The following EXD2 variants were observed in gnomAD, a reference collection of about 807,000 sequenced individuals.
The protein encoded by EXD2 is exonuclease 3'-5' domain-containing protein 2.
EXD2 carries 40 observed loss-of-function variants against 62.5 expected under a neutral mutation model. The ratio of observed to expected loss-of-function variants is 0.64; its 90% CI spans 0.50 to 0.83. EXD2 has a LOEUF of 0.83. Among genes scored for constraint, EXD2 ranks in the 40% least tolerant of loss-of-function variants. The probability of loss-of-function intolerance (pLI) is 0.00; values close to 1 mark genes in which losing one functional copy is unlikely to be tolerated. For missense variants in EXD2, 671 were observed against 761.8 expected (o/e 0.88, Z 1.40); for synonymous variants, 239 against 291.9 (o/e 0.82, Z 1.85).
intron 3 of EXD2, among the ~76,000 whole-genome samples, chr14:69,225,246 C>T (rs1352799099): frequency 6.6e-6 from 1 of 152,208 alleles, no homozygotes; most frequent in Non-Finnish European, 1.5e-5. Flanking sequence ...AGAAGATGGT[C>T]CCATGTCATT....
chr14:69,205,317 T>C (rs187311140), intron 2 of EXD2, among the ~76,000 whole-genome samples: 1 of 152,174 alleles, frequency 6.6e-6, no homozygotes. Context: ...TCCCAAAGCG[T>C]TGAGATTACA....
At chr14:69,235,179 A>G (rs1267031936) in intron 6 of EXD2, 148 bp downstream of exon 6, 2 of 647,364 alleles carry the variant, frequency 3.1e-6, no homozygotes, top group Non-Finnish European at 5.0e-6. Context: ...TCCATCAGAG[A>G]CATTTGGTCT....
rs72720264 is a variant in EXD2, at chr14:69,215,298, A to G, written c.333+5495A>G. On this transcript the variant is annotated intron_variant, in intron 3 of 9. Transcript: ENST00000685843. ...CAGCGAGACTCCATCTCAAAAATATATGTGTGTGTGTGTGTGTGTGTGTGT... is the reference window on the plus strand; with the variant it reads ...CAGCGAGACTCCATCTCAAAAATATGTGTGTGTGTGTGTGTGTGTGTGTGT... Among the ~76,000 whole-genome samples the G allele has an allele frequency of 8.3e-3, 846 of 102,176 alleles. 7 individuals are homozygous for G. The highest frequency in any genetic ancestry group is 0.021 in the African/African-American group (776 of 37,206). 67.0% of individuals were successfully genotyped at this position (102,176 alleles called of 152,430 possible).
chr14:69,214,650 G>C (rs891624627), intron 3 of EXD2, among the ~76,000 whole-genome samples: 2 of 152,292 alleles, frequency 1.3e-5, no homozygotes, highest in South Asian at 4.1e-4. Context: ...AGGAGCTCCT[G>C]TTGTGTCCAC....
intron 3 of EXD2, among the ~76,000 whole-genome samples, chr14:69,219,705 G>A (rs1468791735): frequency 1.3e-5 from 2 of 152,094 alleles, no homozygotes; most frequent in African/African-American, 4.8e-5. Flanking sequence ...TTGTATTAAG[G>A]AATCTTTCTA....
At chr14:69,213,373 CTT>C (rs150182640) in intron 3 of EXD2, among the ~76,000 whole-genome samples, 54 of 89,992 alleles carry the variant, frequency 6.0e-4, no homozygotes, top group African/African-American at 2.1e-3. Flanking sequence ...ATGCTGGGCC[CTT>C]TTTTTTTTTT....
At position 69,240,902 on chromosome 14, in the gene EXD2, T is replaced by C. The variant is rs1207287226; in HGVS notation, c.1668T>C (p.Tyr556=). The change falls in exon 10 of 10, where the codon TAT becomes TAC. Residue 556 remains tyrosine (Y), a synonymous_variant. Coordinates refer to ENST00000685843, the MANE Select transcript of EXD2 (RefSeq NM_001193360.2). ...SLETRISNEN[Y]VPHGLKVVQC... is the part of the protein sequence containing the mutation. Reference sequence around the variant, plus strand: ...TTGGCAGAATCTCCAATGAAAACTATGTTCCTCACGGGCTGAAGGTGGTGC... The same window carrying C: ...TTGGCAGAATCTCCAATGAAAACTACGTTCCTCACGGGCTGAAGGTGGTGC... 1 of 1,613,346 alleles carries C rather than the reference T, an allele frequency of 6.2e-7. No homozygotes were observed. The highest frequency in any genetic ancestry group is 8.5e-7 in the Non-Finnish European group (1 of 1,179,738).
intron 3 of EXD2, among the ~76,000 whole-genome samples, chr14:69,227,251 CT>C (rs2043395921): frequency 6.6e-6 from 1 of 152,096 alleles, no homozygotes; most frequent in Non-Finnish European, 1.5e-5. Context: ...CCAAATGTCT[CT>C]TGGGGTACAA....
intron 1 of EXD2, among the ~76,000 whole-genome samples, chr14:69,192,885 G>A (rs2042079608): frequency 6.6e-6 from 1 of 151,904 alleles, no homozygotes; most frequent in African/African-American, 2.4e-5. Context: ...GTTTTTCATT[G>A]TTAGACACAG....
chr14:69,232,339 T>C (rs193180082), intron 5 of EXD2, among the ~76,000 whole-genome samples: 18 of 152,308 alleles, frequency 1.2e-4, no homozygotes, highest in Admixed American at 1.2e-3. Flanking sequence ...GTGTCTCCAT[T>C]CCTTATGCTT....
At chr14:69,196,521 A>G (rs1342213683) in intron 1 of EXD2, among the ~76,000 whole-genome samples, 1 of 152,042 alleles carries the variant, frequency 6.6e-6, no homozygotes, top group African/African-American at 2.4e-5. Context: ...TGGCATTGCT[A>G]GGTTATATAA....
Position 69,236,114 on chromosome 14 carries a change from G to T in EXD2, c.1118G>T (p.Arg373Ile). ...PDGQPLCTCD[R>I]RKAQWYLDKG... The stretch of plus-strand genomic sequence containing the variant: ...GGACAGCCCCTCTGCACTTGTGATA[G>T]AAGAAAAGCTCAGTGGTACCTGGAC... The change falls in exon 7 of 10, where the codon AGA becomes ATA. Residue 373 changes from arginine (R) to isoleucine (I), a missense_variant. Coordinates refer to ENST00000685843, the MANE Select transcript of EXD2 (RefSeq NM_001193360.2). 6.2e-7 allele frequency: 1 copy of T among 1,614,184 alleles called. No individual in the cohort carries two copies. Among genetic ancestry groups the T allele is most frequent in the Non-Finnish European group, 8.5e-7 (1 of 1,180,020 alleles).
intron 3 of EXD2, among the ~76,000 whole-genome samples, chr14:69,223,875 T>C (rs2140287943): frequency 6.6e-6 from 1 of 152,274 alleles, no homozygotes; most frequent in African/African-American, 2.4e-5. Context: ...TAGCTGAGAC[T>C]GGGTAATTTA....
intron 1 of EXD2, among the ~76,000 whole-genome samples, chr14:69,197,470 G>A (rs769744574): frequency 2.6e-5 from 4 of 151,550 alleles, no homozygotes; most frequent in Admixed American, 1.3e-4. Flanking sequence ...GGTGGTACAT[G>A]TGCAGGTTTG....
At position 69,206,412 on chromosome 14, in the gene EXD2, C is replaced by T. The variant is rs145218617; in HGVS notation, c.-48+2412C>T. On this transcript the variant is annotated intron_variant, in intron 2 of 9. Coordinates refer to ENST00000685843, the MANE Select transcript of EXD2 (RefSeq NM_001193360.2). ...TGATATACTCCAGCGCTGGGGCTGG[C>T]ATGAGTTCTGGTCTCTGCCCAGCTT... is the stretch of plus-strand genomic sequence containing the variant. Among the ~76,000 whole-genome samples, 428 of 146,510 alleles carry T rather than the reference C, an allele frequency of 2.9e-3. 5 individuals are homozygous for T. Among genetic ancestry groups the T allele is most frequent in the African/African-American group, 0.01 (400 of 38,454 alleles).
At chr14:69,230,435 C>T in intron 4 of EXD2, 37 bp from the exon 5 acceptor site, 1 of 1,489,254 alleles carries the variant, frequency 6.7e-7, no homozygotes, top group Non-Finnish European at 9.2e-7. Flanking sequence ...ATGTCCTTTG[C>T]CCGTTTTTGA....
At chr14:69,200,903 G>A (rs1002618063) in intron 1 of EXD2, among the ~76,000 whole-genome samples, 6 of 151,806 alleles carry the variant, frequency 4.0e-5, no homozygotes, top group South Asian at 2.1e-4. Context: ...GTAAAACCCC[G>A]TGTCTACTAA....
At position 69,209,532 on chromosome 14, in the gene EXD2, G is replaced by T; in HGVS notation, c.62G>T (p.Gly21Val). Residue 21 changes from glycine to valine, a missense_variant, in exon 3 of 10, where the codon GGG becomes GTG. Physicochemically the swap from Gly to Val is moderately radical, Grantham distance 109. Transcript: ENST00000685843. Reference protein sequence around the residue: ...VTTLLGVAVGGFVLWKGIQRR... With the variant: ...VTTLLGVAVGVFVLWKGIQRR... The stretch of plus-strand genomic sequence containing the variant: ...ACCCTTCTGGGTGTGGCTGTAGGGG[G>T]GTTTGTCCTCTGGAAAGGCATCCAG... 1.3e-6 allele frequency: 2 copies of T among 1,550,582 alleles called. No individual in the cohort carries two copies. The highest frequency in any genetic ancestry group is 1.7e-6 in the Non-Finnish European group (2 of 1,146,980).
chr14:69,241,920 C>T lies in EXD2; in HGVS notation c.*820C>T, dbSNP rs1272584708. On this transcript the variant is annotated 3_prime_UTR_variant, in exon 10 of 10. Coordinates refer to ENST00000685843, the MANE Select transcript of EXD2 (RefSeq NM_001193360.2). ...CAGAACTGCAAGATTTTTAGCTTCA[C>T]CCCTTTCTGAGAGTAATGTTATCTT... 1 of 398,830 alleles carries T rather than the reference C, an allele frequency of 2.5e-6. No individual in the cohort carries two copies. Among genetic ancestry groups the T allele is most frequent in the Non-Finnish European group, 4.4e-6 (1 of 226,078 alleles). The allele number at this position is 398,830 out of a possible 1,614,324, so 24.7% of individuals were successfully genotyped here. A position where few individuals can be genotyped will look rare whatever the true frequency, so the allele number is the denominator to read the frequency against.
Sources: gnomAD v4.1 joint callset for allele counts (sites outside exome capture counted in the v4.1 genomes callset) on GRCh38, gnomAD v4.1.1 for gene constraint, MANE v1.5 for transcripts, NCBI Gene and HGNC (gene_info 2026-07-23, HGNC 2026-07-21) for gene names.